The following UNC13C variants were observed in gnomAD, a reference collection of about 807,000 sequenced individuals.
UNC13C encodes the protein unc-13 homolog C.
UNC13C carries 174 observed loss-of-function variants against 245.4 expected under a neutral mutation model. That is an observed-to-expected ratio of 0.71 (90% CI 0.63 to 0.80). The LOEUF (loss-of-function observed/expected upper bound fraction) is 0.80, where lower values mean the gene tolerates loss of function less well. UNC13C is among the 30% of genes least tolerant of loss of function. The probability of loss-of-function intolerance (pLI) is 0.00; values close to 1 mark genes in which losing one functional copy is unlikely to be tolerated. For missense variants in UNC13C, 2,829 were observed against 2,602.9 expected (o/e 1.09, Z -1.89); for synonymous variants, 992 against 895.1 (o/e 1.11, Z -1.93).
intron 4 of UNC13C, among the ~76,000 whole-genome samples, chr15:54,184,918 C>T (rs1220574598): frequency 1.3e-5 from 2 of 152,108 alleles, no homozygotes; most frequent in African/African-American, 4.8e-5. Context: ...TCCACATCCT[C>T]TCCAGCACCT....
intron 18 of UNC13C, among the ~76,000 whole-genome samples, chr15:54,411,557 T>A (rs925856770): frequency 6.6e-6 from 1 of 152,166 alleles, no homozygotes; most frequent in Non-Finnish European, 1.5e-5. Context: ...CTTTTTTGCA[T>A]GTGGTTATTC....
chr15:54,629,301 A>AAAAG (rs1401556067), downstream of UNC13C: 2 of 152,120 alleles, frequency 1.3e-5, no homozygotes, highest in African/African-American at 4.8e-5. Flanking sequence ...AGGAGGAGGG[A>AAAAG]AAAGATAAGA....
chr15:54,349,524 A>G (rs1345417027), intron 17 of UNC13C, among the ~76,000 whole-genome samples: 8 of 152,208 alleles, frequency 5.3e-5, no homozygotes, highest in African/African-American at 1.9e-4. Flanking sequence ...GTTAATAAAC[A>G]TTGATGAGAA....
intron 17 of UNC13C, among the ~76,000 whole-genome samples, chr15:54,346,172 C>T (rs889614720): frequency 2.0e-5 from 3 of 151,984 alleles, no homozygotes; most frequent in African/African-American, 7.3e-5. Flanking sequence ...ATTCCCAGTG[C>T]CTGGTGGTAT....
Position 54,338,356 on chromosome 15 carries a change from G to T in UNC13C, c.4585-5G>T, listed in dbSNP as rs1271114561. ...TTTGAGAAAATAAATGTCTGTCTTT[G>T]TCAGGTTCTGGAGCTGCAAAGCCCC... On this transcript the variant is annotated splice_polypyrimidine_tract_variant and splice_region_variant and intron_variant, in intron 16 of 32. Transcript: ENST00000260323. 1.1e-5 allele frequency: 17 copies of T among 1,609,996 alleles called. No individual in the cohort carries two copies. The highest frequency in any genetic ancestry group is 1.3e-5 in the African/African-American group (1 of 74,714).
chr15:54,270,265 T>C (rs1348365320), intron 10 of UNC13C, among the ~76,000 whole-genome samples: 1 of 152,212 alleles, frequency 6.6e-6, no homozygotes, highest in African/African-American at 2.4e-5. Context: ...GAAAAATGTA[T>C]ACACATCACA....
intron 13 of UNC13C, among the ~76,000 whole-genome samples, chr15:54,312,973 G>A (rs1287427408): frequency 6.6e-6 from 1 of 151,820 alleles, no homozygotes; most frequent in East Asian, 1.9e-4. Flanking sequence ...CAATACGGTT[G>A]TGATTTTGCA....
chr15:54,505,762 T>G (rs997352840), intron 22 of UNC13C, among the ~76,000 whole-genome samples: 49 of 150,792 alleles, frequency 3.2e-4, no homozygotes, highest in Middle Eastern at 3.4e-3. Context: ...TTTTTTTTTT[T>G]GAGACAATCT....
chr15:54,118,881 A>G (rs973728333), intron 2 of UNC13C, among the ~76,000 whole-genome samples: 46 of 147,448 alleles, frequency 3.1e-4, no homozygotes, highest in East Asian at 2.2e-3. Flanking sequence ...CTTTTTCAGC[A>G]TCTATTGAAA....
chr15:54,138,953 A>ATTTTTTTTTTTTTTTTTTTTTTTTTT lies in UNC13C; in HGVS notation c.2984-4040_2984-4039insTTTTTTTTTTTTTTTTTTTTTTTTTT. ...TGCATATATCTCCAAATTTCCCCTA[A>ATTTTTTTTTTTTTTTTTTTTTTTTTT]TTTTTTTTTTTTTTTTTTTTTTTTT... On this transcript the variant is annotated intron_variant, in intron 2 of 32. Coordinates refer to ENST00000260323, the MANE Select transcript of UNC13C (RefSeq NM_001080534.3). Among the ~76,000 whole-genome samples, 39 of 48,636 alleles carry ATTTTTTTTTTTTTTTTTTTTTTTTTT rather than the reference A, an allele frequency of 8.0e-4. 8 individuals carry two copies. Among genetic ancestry groups the ATTTTTTTTTTTTTTTTTTTTTTTTTT allele is most frequent in the African/African-American group, 1.6e-3 (20 of 12,762 alleles). 31.9% of individuals were successfully genotyped at this position (48,636 alleles called of 152,430 possible). A position where few individuals can be genotyped will look rare whatever the true frequency, so the allele number is the denominator to read the frequency against.
intron 17 of UNC13C, among the ~76,000 whole-genome samples, chr15:54,390,216 GTC>G (rs2039925295): frequency 6.6e-6 from 1 of 152,120 alleles, no homozygotes; most frequent in East Asian, 1.9e-4. Flanking sequence ...TTTCAATACT[GTC>G]TTTTGCATGT....
intron 13 of UNC13C, among the ~76,000 whole-genome samples, chr15:54,319,542 T>G (rs1213602291): frequency 6.6e-6 from 1 of 151,948 alleles, no homozygotes; most frequent in African/African-American, 2.4e-5. Flanking sequence ...TATTCGTGAT[T>G]CTTAAAGATG....
At chr15:54,308,980 A>G (rs908472098) in intron 13 of UNC13C, among the ~76,000 whole-genome samples, 1 of 151,974 alleles carries the variant, frequency 6.6e-6, no homozygotes. Flanking sequence ...GTGTGCGGAT[A>G]TTTCTTGACA....
At chr15:53,968,111 G>T in the UNC13C span, 2 of 152,146 alleles carry the variant, frequency 1.3e-5, no homozygotes, top group African/African-American at 4.8e-5. Context: ...CAGACTTGAG[G>T]ACTGGAGTCT....
intron 13 of UNC13C, chr15:54,320,807 G>T: frequency 3.1e-6 from 1 of 324,550 alleles, no homozygotes; most frequent in East Asian, 8.0e-5. Context: ...CAAAGTATTG[G>T]CCTCCATGAC....
chr15:54,052,836 A>T (rs529169996), intron 2 of UNC13C, among the ~76,000 whole-genome samples: 2 of 152,198 alleles, frequency 1.3e-5, no homozygotes, highest in African/African-American at 4.8e-5. Flanking sequence ...ATTTGATTTT[A>T]TAAGTATCCA....
At position 54,422,406 on chromosome 15, in the gene UNC13C, C is replaced by A. The variant is rs78983902; in HGVS notation, c.4933+7339C>A. Among the ~76,000 whole-genome samples the A allele has an allele frequency of 3.5e-3, 537 of 152,144 alleles. 3 individuals carry two copies. Among genetic ancestry groups the A allele is most frequent in the African/African-American group, 0.013 (521 of 41,552 alleles). On this transcript the variant is annotated intron_variant, in intron 19 of 32. Coordinates refer to ENST00000260323, the MANE Select transcript of UNC13C (RefSeq NM_001080534.3). ...CATAACATTCAGATTGACTTTCACA[C>A]ACTTAGATTACATCAAGACATTCCC...
At chr15:53,998,668 G>A (rs542279515) in intron 1 of UNC13C, among the ~76,000 whole-genome samples, 6 of 152,170 alleles carry the variant, frequency 3.9e-5, no homozygotes, top group African/African-American at 1.4e-4. Context: ...GGTGGTGAGA[G>A]TGGATATACC....
chr15:54,516,799 C>CAAAA lies in UNC13C; in HGVS notation c.5457+4979_5457+4982dup, dbSNP rs59628073. Among the ~76,000 whole-genome samples the CAAAA allele has an allele frequency of 8.9e-5, 11 of 123,622 alleles. 2 individuals are homozygous for CAAAA. The highest frequency in any genetic ancestry group is 1.3e-4 in the African/African-American group (4 of 31,368). 81.1% of individuals were successfully genotyped at this position (123,622 alleles called of 152,430 possible). ...TGGAAAACGGAGTGAGATGCTGTCT[C>CAAAA]AAAAAAAAAAAAAGTATCAGATAAT... On this transcript the variant is annotated intron_variant, in intron 24 of 32. Transcript: ENST00000260323.
Sources: allele counts gnomAD v4.1 joint callset (sites outside exome capture counted in the v4.1 genomes callset), GRCh38; gene constraint gnomAD v4.1.1; transcripts MANE v1.5; gene names NCBI Gene and HGNC (gene_info 2026-07-23, HGNC 2026-07-21).